The following WWC2 variants were observed in gnomAD, a reference collection of about 807,000 sequenced individuals.
WWC2 encodes the protein protein WWC2.
A neutral mutation model predicts 138.5 loss-of-function variants in WWC2; 101 were observed. The observed-to-expected ratio is 0.73, with a 90% CI of 0.62 to 0.86. The LOEUF is 0.86. Ranked by LOEUF, WWC2 falls within the 40% of genes least tolerant of loss-of-function variation. The pLI, the probability that WWC2 is intolerant of heterozygous loss-of-function variation, is 0.00. For synonymous variants in WWC2, 558 were observed against 538.4 expected, an observed-to-expected ratio of 1.04 and a Z score of -0.50; for missense variants, 1,420 against 1,419.4, an observed-to-expected ratio of 1.00 and a Z score of -0.01.
chr4:183,263,196 G>A (rs972862334), intron 11 of WWC2, among the ~76,000 whole-genome samples: 2 of 152,158 alleles, frequency 1.3e-5, no homozygotes, highest in African/African-American at 4.8e-5. Flanking sequence ...ACCTTTCAAG[G>A]TAGTTTTGCT....
intron 8 of WWC2, among the ~76,000 whole-genome samples, chr4:183,251,699 T>C (rs144005543): frequency 6.6e-6 from 1 of 152,320 alleles, no homozygotes; most frequent in East Asian, 1.9e-4. Flanking sequence ...ACTTCAGACA[T>C]TGGTTCTTTC....
chr4:183,291,767 G>T (rs1190115154), intron 21 of WWC2, among the ~76,000 whole-genome samples: 1 of 151,356 alleles, frequency 6.6e-6, no homozygotes, highest in Non-Finnish European at 1.5e-5. Context: ...CATTTTTTTT[G>T]ACTGCTATCT....
chr4:183,208,600 AG>A (rs550407407), intron 3 of WWC2, among the ~76,000 whole-genome samples: 2 of 152,328 alleles, frequency 1.3e-5, no homozygotes, highest in South Asian at 4.1e-4. Context: ...TGTTTAAAGA[AG>A]CAGCTGTGAT....
At chr4:183,103,406 T>G (rs1743243729) in intron 1 of WWC2, among the ~76,000 whole-genome samples, 1 of 150,906 alleles carries the variant, frequency 6.6e-6, no homozygotes, top group Non-Finnish European at 1.5e-5. Flanking sequence ...TGATCTCGGC[T>G]TACTGCGGCT....
At chr4:183,260,093 A>C (rs1048621240) in intron 10 of WWC2, among the ~76,000 whole-genome samples, 1 of 152,196 alleles carries the variant, frequency 6.6e-6, no homozygotes, top group Non-Finnish European at 1.5e-5. Flanking sequence ...ACATTCACAC[A>C]CAAAGAGGAA....
intron 1 of WWC2, among the ~76,000 whole-genome samples, chr4:183,101,726 C>T (rs1561414230): frequency 6.6e-6 from 1 of 152,164 alleles, no homozygotes; most frequent in Non-Finnish European, 1.5e-5. Context: ...ACTTACCAAA[C>T]ATATGGAAAG....
Position 183,249,901 on chromosome 4 carries a change from C to T in WWC2, c.880-19C>T, listed in dbSNP as rs1187816021. 2 of 1,605,916 alleles carry T rather than the reference C, an allele frequency of 1.2e-6. No individual in the cohort carries two copies. The highest frequency in any genetic ancestry group is 1.1e-5 in the South Asian group (1 of 89,532). On this transcript the variant is annotated intron_variant, in intron 7 of 22. Coordinates refer to ENST00000403733, the MANE Select transcript of WWC2 (RefSeq NM_024949.6). ...TTAGCAGAGTTAATTGACTTTTTTC[C>T]TTTTTCTTTTTCCACTAGATTGGAG...
At chr4:183,217,327 T>C (rs1735786889) in intron 4 of WWC2, among the ~76,000 whole-genome samples, 1 of 152,178 alleles carries the variant, frequency 6.6e-6, no homozygotes, top group African/African-American at 2.4e-5. Flanking sequence ...ATTCTAAAAG[T>C]GTATTGACAG....
At chr4:183,140,317 A>G (rs1347896671) in intron 1 of WWC2, among the ~76,000 whole-genome samples, 1 of 152,222 alleles carries the variant, frequency 6.6e-6, no homozygotes, top group Non-Finnish European at 1.5e-5. Flanking sequence ...TCCAACGTAT[A>G]TCTGAATCAT....
chr4:183,237,418 TATG>T (rs1189518555), intron 4 of WWC2, among the ~76,000 whole-genome samples: 3 of 152,162 alleles, frequency 2.0e-5, no homozygotes, highest in Non-Finnish European at 4.4e-5. Flanking sequence ...GCTCTTTTGA[TATG>T]ATAATAGTTT....
intron 4 of WWC2, among the ~76,000 whole-genome samples, chr4:183,236,306 T>C (rs1454002063): frequency 6.6e-6 from 1 of 152,208 alleles, no homozygotes; most frequent in Non-Finnish European, 1.5e-5. Context: ...AGGAGTTTAA[T>C]TGAGCAATGA....
At chr4:183,194,443 ACTTTG>A (rs1340403023) in intron 2 of WWC2, among the ~76,000 whole-genome samples, 1 of 152,324 alleles carries the variant, frequency 6.6e-6, no homozygotes, top group Non-Finnish European at 1.5e-5. Context: ...ATACTCATTC[ACTTTG>A]CTTATTCACT....
intron 4 of WWC2, among the ~76,000 whole-genome samples, chr4:183,223,053 A>G (rs1438805322): frequency 6.6e-6 from 1 of 152,238 alleles, no homozygotes; most frequent in South Asian, 2.1e-4. Flanking sequence ...TGGTAGTCCC[A>G]TGAGATTATG....
At chr4:183,185,945 ATTTTTTTTT>A (rs546555995) in intron 1 of WWC2, among the ~76,000 whole-genome samples, 2 of 131,246 alleles carry the variant, frequency 1.5e-5, no homozygotes, top group East Asian at 2.2e-4. Context: ...TTTAACATAG[ATTTTTTTTT>A]TTTTTTTTTT....
Position 183,240,277 on chromosome 4 carries a change from A to G in WWC2, c.602+15A>G. The G allele has an allele frequency of 6.5e-7, 1 of 1,537,008 alleles. No individual in the cohort carries two copies. The highest frequency in any genetic ancestry group is 1.2e-5 in the South Asian group (1 of 80,648). On this transcript the variant is annotated intron_variant, in intron 5 of 22. Transcript: ENST00000403733. ...ACATTGCAGCAGTGAGTATGAAAAGACTGAATCAACTTTAGAATAAGCTCC... is the reference window on the plus strand; with the variant it reads ...ACATTGCAGCAGTGAGTATGAAAAGGCTGAATCAACTTTAGAATAAGCTCC...
intron 4 of WWC2, among the ~76,000 whole-genome samples, chr4:183,214,326 A>T (rs2111251718): frequency 6.6e-6 from 1 of 152,296 alleles, no homozygotes; most frequent in Non-Finnish European, 1.5e-5. Context: ...AGCTTAGAAA[A>T]GTCATCCACA....
chr4:183,197,228 A>G (rs964953835), intron 2 of WWC2, among the ~76,000 whole-genome samples: 2 of 152,214 alleles, frequency 1.3e-5, no homozygotes, highest in Non-Finnish European at 2.9e-5. Flanking sequence ...TTTTGCTGTA[A>G]TGGTAATGGT....
At chr4:183,251,694 A>T (rs1580111029) in intron 8 of WWC2, among the ~76,000 whole-genome samples, 2 of 152,308 alleles carry the variant, frequency 1.3e-5, no homozygotes, top group South Asian at 4.1e-4. Context: ...TCAAAACTTC[A>T]GACATTGGTT....
chr4:183,153,168 G>A (rs1167567708), intron 1 of WWC2, among the ~76,000 whole-genome samples: 2 of 152,200 alleles, frequency 1.3e-5, no homozygotes, highest in African/African-American at 4.8e-5. Context: ...GCCTTCTAAA[G>A]TGCTGGCATT....
Sources: gnomAD v4.1 joint callset for allele counts (sites outside exome capture counted in the v4.1 genomes callset) on GRCh38, gnomAD v4.1.1 for gene constraint, MANE v1.5 for transcripts, NCBI Gene and HGNC (gene_info 2026-07-23, HGNC 2026-07-21) for gene names.